The following RORA variants were observed in gnomAD, a reference collection of about 807,000 sequenced individuals.
RORA encodes RAR related orphan receptor A.
A neutral mutation model predicts 69.5 loss-of-function variants in RORA; 7 were observed. That is an observed-to-expected ratio of 0.10 (90% CI 0.06 to 0.19). The LOEUF (loss-of-function observed/expected upper bound fraction) is 0.19, where lower values mean the gene tolerates loss of function less well. Among genes scored for constraint, RORA ranks in the 10% least tolerant of loss-of-function variants. The pLI is 1.00. For missense variants in RORA, 457 were observed against 663.0 expected, an observed-to-expected ratio of 0.69 and a Z score of 3.41; for synonymous variants, 261 against 240.8, an observed-to-expected ratio of 1.08 and a Z score of -0.78.
In RORA at chr15:60,829,313, C is replaced by T. The variant is rs113539364; in HGVS notation, c.167-150627G>A. On this transcript the variant is annotated intron_variant, in intron 1 of 10. Transcript: ENST00000335670. ...CACCGGCCTGTTCAACTCTACATCT[C>T]ACCGGGATGGACGATTCCCTCCTCA... Among the ~76,000 whole-genome samples the T allele has an allele frequency of 2.9e-3, 444 of 152,286 alleles. 3 individuals are homozygous for T. Among genetic ancestry groups the T allele is most frequent in the African/African-American group, 0.01 (422 of 41,564 alleles).
chr15:61,084,389 T>C (rs2078591545), intron 1 of RORA, among the ~76,000 whole-genome samples: 1 of 152,216 alleles, frequency 6.6e-6, no homozygotes, highest in East Asian at 1.9e-4. Flanking sequence ...ATACCCTCTC[T>C]AGGAAAAGCA....
intron 2 of RORA, among the ~76,000 whole-genome samples, chr15:60,667,194 C>G (rs1172522003): frequency 6.6e-6 from 1 of 152,122 alleles, no homozygotes; most frequent in African/African-American, 2.4e-5. Flanking sequence ...CACAATCGTC[C>G]CTCTTACTGT....
At chr15:60,539,165 T>C (rs12594761) in intron 2 of RORA, among the ~76,000 whole-genome samples, 129,815 of 152,178 alleles carry the variant, frequency 0.85, 55,565 homozygotes, top group East Asian at 1. Flanking sequence ...CGCCAGAATG[T>C]CCCATCTGAA....
intron 2 of RORA, among the ~76,000 whole-genome samples, chr15:60,625,373 G>A (rs2069548272): frequency 6.6e-6 from 1 of 152,118 alleles, no homozygotes; most frequent in African/African-American, 2.4e-5. Flanking sequence ...ACATAAACTG[G>A]CAAAGTCTCC....
At chr15:60,751,334 G>A (rs1027135247) in intron 1 of RORA, among the ~76,000 whole-genome samples, 17 of 152,222 alleles carry the variant, frequency 1.1e-4, no homozygotes, top group Middle Eastern at 3.4e-3. Flanking sequence ...TAAGAAGTGG[G>A]ACTAGCAGGA....
At chr15:61,162,732 T>C (rs2079506542) in intron 1 of RORA, among the ~76,000 whole-genome samples, 1 of 152,190 alleles carries the variant, frequency 6.6e-6, no homozygotes, top group African/African-American at 2.4e-5. Context: ...GCCGAGACCA[T>C]AAATGAAGTT....
intron 2 of RORA, chr15:60,627,516 G>A (rs201241137): frequency 1.3e-5 from 19 of 1,472,554 alleles, no homozygotes; most frequent in Non-Finnish European, 1.7e-5. Context: ...ATAATGCTCA[G>A]AGGCCCTGTG....
chr15:60,626,907 C>T (rs1240259717), intron 2 of RORA, among the ~76,000 whole-genome samples: 1 of 152,146 alleles, frequency 6.6e-6, no homozygotes, highest in Non-Finnish European at 1.5e-5. Context: ...CGACCTTCTC[C>T]ACCTCAAATC....
At position 60,905,903 on chromosome 15, in the gene RORA, C is replaced by A. The variant is rs1891523143; in HGVS notation, c.167-227217G>T. Among the ~76,000 whole-genome samples, 1 of 152,196 alleles carries A rather than the reference C, an allele frequency of 6.6e-6. No homozygotes were observed. The highest frequency in any genetic ancestry group is 1.5e-5 in the Non-Finnish European group (1 of 68,038). ...TCCTTTATTCTCCCCCTCTCTTCTA[C>A]CAAAGAAGCCCTAAAATGTATTTTC... is the stretch of plus-strand genomic sequence containing the variant. On this transcript the variant is annotated intron_variant, in intron 1 of 10. Coordinates refer to ENST00000335670, the MANE Select transcript of RORA (RefSeq NM_134261.3). The surrounding 1 kb of genome is among the most constrained non-coding windows in gnomAD (Gnocchi z 4.8).
chr15:60,968,426 G>T (rs1475738671), intron 1 of RORA, among the ~76,000 whole-genome samples: 1 of 152,152 alleles, frequency 6.6e-6, no homozygotes, highest in Non-Finnish European at 1.5e-5. Flanking sequence ...TTCTAACAAG[G>T]TTCCTGCTGA....
At chr15:60,506,640 G>A (rs1350727519) in intron 5 of RORA, among the ~76,000 whole-genome samples, 2 of 152,026 alleles carry the variant, frequency 1.3e-5, no homozygotes, top group Non-Finnish European at 2.9e-5. Context: ...ACCACTTGAG[G>A]TCAGGAGTTC....
chr15:60,715,959 A>G (rs970928977), intron 1 of RORA, among the ~76,000 whole-genome samples: 1 of 152,182 alleles, frequency 6.6e-6, no homozygotes, highest in Non-Finnish European at 1.5e-5. Flanking sequence ...TTCACCCACA[A>G]ATGATCTTAC....
intron 1 of RORA, among the ~76,000 whole-genome samples, chr15:60,892,336 T>A (rs191442243): frequency 6.6e-6 from 1 of 152,320 alleles, no homozygotes; most frequent in East Asian, 1.9e-4. Context: ...ATATTGAAAC[T>A]CTTAACATAT....
intron 2 of RORA, among the ~76,000 whole-genome samples, chr15:60,591,757 T>C (rs1246880078): frequency 1.3e-5 from 2 of 152,008 alleles, no homozygotes; most frequent in African/African-American, 4.8e-5. Context: ...GAGGCGCCCG[T>C]CTCGCTCCGG....
chr15:60,817,811 G>A (rs150610684), intron 1 of RORA, among the ~76,000 whole-genome samples: 1 of 152,322 alleles, frequency 6.6e-6, no homozygotes, highest in African/African-American at 2.4e-5. Context: ...CTTACTTCCA[G>A]GTTTGCTCAT....
chr15:60,598,920 C>T (rs1356043793), intron 2 of RORA, among the ~76,000 whole-genome samples: 3 of 152,292 alleles, frequency 2.0e-5, no homozygotes, highest in South Asian at 2.1e-4. Flanking sequence ...AATGACTAAA[C>T]ACCTTCTGTG....
chr15:61,046,911 C>T (rs1897054918), intron 1 of RORA, among the ~76,000 whole-genome samples: 1 of 152,218 alleles, frequency 6.6e-6, no homozygotes, highest in East Asian at 1.9e-4. Context: ...AAACAGCATA[C>T]TTTGTCAAAG....
intron 1 of RORA, among the ~76,000 whole-genome samples, chr15:60,734,845 T>G (rs1430652025): frequency 6.6e-6 from 1 of 152,248 alleles, no homozygotes; most frequent in African/African-American, 2.4e-5. Context: ...TGGCAATGGC[T>G]AACTAAACTG....
chr15:61,197,156 A>G (rs2140922092), intron 1 of RORA, among the ~76,000 whole-genome samples: 1 of 152,356 alleles, frequency 6.6e-6, no homozygotes, highest in Non-Finnish European at 1.5e-5. Flanking sequence ...GTTTGAAAAC[A>G]ATGACTACTG....
Sources: allele counts gnomAD v4.1 joint callset (sites outside exome capture counted in the v4.1 genomes callset), GRCh38; gene constraint gnomAD v4.1.1; non-coding constraint Gnocchi (gnomAD v3.1); transcripts MANE v1.5; gene names NCBI Gene and HGNC (gene_info 2026-07-23, HGNC 2026-07-21).